The following RYR3 variants were observed in gnomAD, a reference collection of about 807,000 sequenced individuals.
RYR3 encodes ryanodine receptor 3.
Under a neutral mutation model 584.3 loss-of-function variants are expected in RYR3, and 207 were observed. The observed-to-expected ratio is 0.35, with a 90% CI of 0.32 to 0.40. The LOEUF (loss-of-function observed/expected upper bound fraction) is 0.40. Among genes scored for constraint, RYR3 ranks in the 10% least tolerant of loss-of-function variants. RYR3 has a pLI of 1.00. For missense variants in RYR3, 5,616 were observed against 6,089.2 expected, an observed-to-expected ratio of 0.92 and a Z score of 2.59; for synonymous variants, 2,416 against 2,248.5, an observed-to-expected ratio of 1.07 and a Z score of -2.11.
rs2076471385 is a variant in RYR3 at position 33,810,580 on chromosome 15, C to T, written c.10128C>T (p.Pro3376=). Residue 3376 remains proline (P), a synonymous_variant, in exon 71 of 104, where the codon CCC becomes CCT. Transcript: ENST00000634891. ...TGGCTGCACTCAAGAAAATGCTGCC[C>T]ATTGGTTTGAATATGTGTACTCCAG... is the stretch of plus-strand genomic sequence containing the variant. ...LIVAALKKML[P]IGLNMCTPGD... 1.2e-6 allele frequency: 2 copies of T among 1,614,006 alleles called. No individual in the cohort carries two copies. The highest frequency in any genetic ancestry group is 1.7e-5 in the Admixed American group (1 of 60,028).
intron 67 of RYR3, among the ~76,000 whole-genome samples, chr15:33,796,107 G>A (rs1033033209): frequency 2.0e-5 from 3 of 151,908 alleles, no homozygotes; most frequent in South Asian, 2.1e-4. Flanking sequence ...ATCATTTGTC[G>A]TTTTTTGTTT....
chr15:33,702,095 G>A (rs1177767529), intron 42 of RYR3, among the ~76,000 whole-genome samples: 4 of 152,182 alleles, frequency 2.6e-5, no homozygotes, highest in Non-Finnish European at 4.4e-5. Flanking sequence ...CCAGTTACGG[G>A]CAAGGAAGTG....
At position 33,634,613 on chromosome 15, in the gene RYR3, C is replaced by G. The variant is rs763319430; in HGVS notation, c.3055C>G (p.Leu1019Val). 1 of 1,613,964 alleles carries G rather than the reference C, an allele frequency of 6.2e-7. No homozygotes were observed. Among genetic ancestry groups the G allele is most frequent in the Non-Finnish European group, 8.5e-7 (1 of 1,179,868 alleles). ...QDLKNKRNPR[L>V]VPYALLDERT... is the part of the protein sequence containing the mutation. Reference sequence around the variant, plus strand: ...TTTGAAGAACAAAAGAAATCCCCGTCTGGTGCCATATGCATTACTGGATGA... The same window carrying G: ...TTTGAAGAACAAAAGAAATCCCCGTGTGGTGCCATATGCATTACTGGATGA... Residue 1019 changes from leucine (L) to valine (V), a missense_variant, in exon 25 of 104, where the codon CTG becomes GTG. Coordinates refer to ENST00000634891, the MANE Select transcript of RYR3 (RefSeq NM_001036.6).
intron 3 of RYR3, among the ~76,000 whole-genome samples, chr15:33,524,108 C>A (rs1207884591): frequency 1.3e-5 from 2 of 152,162 alleles, no homozygotes; most frequent in African/African-American, 4.8e-5. Flanking sequence ...CATGTTGTTG[C>A]ACTACCCCCC....
chr15:33,391,321 G>A (rs1403966982), intron 1 of RYR3, among the ~76,000 whole-genome samples: 1 of 152,134 alleles, frequency 6.6e-6, no homozygotes, highest in Non-Finnish European at 1.5e-5. Context: ...GTTTTTAAAT[G>A]GAGTTTAAAA....
At chr15:33,509,502 G>A (rs563055050) in intron 3 of RYR3, among the ~76,000 whole-genome samples, 21 of 152,254 alleles carry the variant, frequency 1.4e-4, no homozygotes, top group South Asian at 6.2e-4. Flanking sequence ...GAGGAACTGC[G>A]TCCATAATTC....
At chr15:33,724,275 C>A in intron 45 of RYR3, 99 bp downstream of exon 45, 1 of 676,006 alleles carries the variant, frequency 1.5e-6, no homozygotes. Context: ...CTGGCATTTG[C>A]TAACATGCCT....
intron 60 of RYR3, among the ~76,000 whole-genome samples, chr15:33,766,066 A>T (rs1443009250): frequency 6.6e-6 from 1 of 152,130 alleles, no homozygotes; most frequent in Non-Finnish European, 1.5e-5. Flanking sequence ...GGATCACTTG[A>T]GGTCAGGAGT....
At chr15:33,347,751 T>C (rs1972653479) in intron 1 of RYR3, among the ~76,000 whole-genome samples, 1 of 152,118 alleles carries the variant, frequency 6.6e-6, no homozygotes, top group South Asian at 2.1e-4. Context: ...CCCTTTGTCA[T>C]AGCCCATCAA....
At chr15:33,709,725 A>T (rs1277814939) in intron 43 of RYR3, among the ~76,000 whole-genome samples, 2 of 152,230 alleles carry the variant, frequency 1.3e-5, no homozygotes, top group Non-Finnish European at 2.9e-5. Context: ...CTCCAGAATC[A>T]TGAGCCAAAT....
chr15:33,550,205 G>A lies in RYR3; in HGVS notation c.861G>A (p.Arg287=). 6.2e-7 allele frequency: 1 copy of A among 1,613,652 alleles called. No homozygotes were observed. The highest frequency in any genetic ancestry group is 8.5e-7 in the Non-Finnish European group (1 of 1,179,724). Residue 287 remains arginine, a synonymous_variant, in exon 10 of 104, where the codon CGG becomes CGA. Coordinates refer to ENST00000634891, the MANE Select transcript of RYR3 (RefSeq NM_001036.6). ...NIRWGQAFRL[R]HLTTGHYLAL... ...GATGGGGCCAGGCTTTCCGACTCCG[G>A]CATCTCACCACAGGCCACTACCTGG...
intron 1 of RYR3, among the ~76,000 whole-genome samples, chr15:33,446,144 A>G (rs2046636508): frequency 6.6e-6 from 1 of 152,156 alleles, no homozygotes; most frequent in African/African-American, 2.4e-5. Context: ...TGCCACCTGG[A>G]GAAAATTCGT....
intron 32 of RYR3, among the ~76,000 whole-genome samples, chr15:33,656,435 C>T (rs762843813): frequency 6.6e-6 from 1 of 152,162 alleles, no homozygotes; most frequent in Non-Finnish European, 1.5e-5. Flanking sequence ...GAATGCTCAC[C>T]GAGTATGTGT....
intron 85 of RYR3, among the ~76,000 whole-genome samples, chr15:33,829,064 A>G (rs1331247975): frequency 1.3e-5 from 2 of 152,128 alleles, no homozygotes; most frequent in African/African-American, 4.8e-5. Context: ...ATTATGGTAA[A>G]TCTACTCTGC....
intron 2 of RYR3, among the ~76,000 whole-genome samples, chr15:33,480,629 G>A (rs1242658306): frequency 6.6e-6 from 1 of 152,190 alleles, no homozygotes; most frequent in Non-Finnish European, 1.5e-5. Flanking sequence ...TTAGTGAGTG[G>A]ATGTTTTAAA....
intron 84 of RYR3, 90 bp from the exon 85 acceptor site, chr15:33,827,109 A>T: frequency 5.6e-6 from 6 of 1,069,416 alleles, no homozygotes; most frequent in Non-Finnish European, 8.4e-6. Flanking sequence ...CTTTTCACAT[A>T]GAATGTCTTA....
chr15:33,713,983 A>G (rs1290373196), intron 43 of RYR3, among the ~76,000 whole-genome samples: 4 of 152,186 alleles, frequency 2.6e-5, no homozygotes, highest in Non-Finnish European at 5.9e-5. Flanking sequence ...TGGGGGGGAC[A>G]CGAATATTCA....
intron 42 of RYR3, among the ~76,000 whole-genome samples, chr15:33,703,056 C>T (rs777797433): frequency 3.3e-5 from 5 of 152,104 alleles, no homozygotes; most frequent in Non-Finnish European, 5.9e-5. Context: ...TTACCACTCA[C>T]GAAGATTCTG....
At chr15:33,362,388 ATGTC>A (rs1974889956) in intron 1 of RYR3, among the ~76,000 whole-genome samples, 1 of 152,122 alleles carries the variant, frequency 6.6e-6, no homozygotes, top group South Asian at 2.1e-4. Context: ...CACTTGGTAA[ATGTC>A]TGTCGTCATC....
Sources: allele counts gnomAD v4.1 joint callset (sites outside exome capture counted in the v4.1 genomes callset), GRCh38; gene constraint gnomAD v4.1.1; transcripts MANE v1.5; gene names NCBI Gene and HGNC (gene_info 2026-07-23, HGNC 2026-07-21).